Variants in SLC39A11 observed in about 807,000 individuals in gnomAD.
SLC39A11 encodes the protein solute carrier family 39 member 11.
In SLC39A11, 33 loss-of-function variants were observed where a neutral mutation model predicts 36.1. The observed-to-expected ratio is 0.91, with a 90% confidence interval of 0.69 to 1.22. The LOEUF (loss-of-function observed/expected upper bound fraction) is 1.22, where lower values mean the gene tolerates loss of function less well. SLC39A11 is among the 50% of genes most tolerant of loss of function. SLC39A11 has a pLI of 0.00. For missense variants in SLC39A11, 432 were observed against 430.3 expected (o/e 1.00, Z -0.03); for synonymous variants, 166 against 170.3 (o/e 0.97, Z 0.20).
chr17:72,673,351 C>T (rs2071101516), intron 7 of SLC39A11, among the ~76,000 whole-genome samples: 1 of 152,178 alleles, frequency 6.6e-6, no homozygotes, highest in Non-Finnish European at 1.5e-5. Context: ...GATCTGCCCA[C>T]CTCGGCCTCC....
At chr17:72,874,229 A>G (rs1228523402) in intron 5 of SLC39A11, among the ~76,000 whole-genome samples, 1 of 152,204 alleles carries the variant, frequency 6.6e-6, no homozygotes, top group Non-Finnish European at 1.5e-5. Flanking sequence ...AGAAATGATC[A>G]CTTAAATGTT....
At chr17:72,775,072 G>A (rs1047114568) in intron 6 of SLC39A11, among the ~76,000 whole-genome samples, 26 of 151,998 alleles carry the variant, frequency 1.7e-4, no homozygotes, top group Non-Finnish European at 4.4e-5. Context: ...CTAATATTGT[G>A]AGCACCCATT....
At chr17:72,905,959 T>G (rs2082638573) in intron 5 of SLC39A11, among the ~76,000 whole-genome samples, 1 of 152,154 alleles carries the variant, frequency 6.6e-6, no homozygotes, top group Non-Finnish European at 1.5e-5. Flanking sequence ...TTCACTGTGT[T>G]AGCCAGGATG....
At chr17:72,789,238 T>C (rs2076619167) in intron 6 of SLC39A11, among the ~76,000 whole-genome samples, 1 of 152,156 alleles carries the variant, frequency 6.6e-6, no homozygotes, top group African/African-American at 2.4e-5. Flanking sequence ...TTTCAACACG[T>C]TGGCCAGGCT....
At chr17:72,673,694 C>T (rs1424239513) in intron 7 of SLC39A11, among the ~76,000 whole-genome samples, 1 of 152,066 alleles carries the variant, frequency 6.6e-6, no homozygotes, top group Non-Finnish European at 1.5e-5. Context: ...TTTGGGCTCC[C>T]CCATATTTTG....
At chr17:72,946,742 T>C (rs545495861) in intron 5 of SLC39A11, among the ~76,000 whole-genome samples, 14 of 152,212 alleles carry the variant, frequency 9.2e-5, no homozygotes, top group African/African-American at 2.9e-4. Context: ...GGCATCCAAC[T>C]CTCCTCATGC....
intron 4 of SLC39A11, among the ~76,000 whole-genome samples, chr17:72,961,027 TGAGA>T (rs1226745540): frequency 2.0e-5 from 3 of 151,618 alleles, no homozygotes; most frequent in Non-Finnish European, 4.4e-5. Context: ...AACACGAGGG[TGAGA>T]GAGAGTGTGT....
chr17:72,791,296 ATACAAAAAT>A (rs1319482547), intron 6 of SLC39A11, among the ~76,000 whole-genome samples: 1 of 152,200 alleles, frequency 6.6e-6, no homozygotes, highest in East Asian at 1.9e-4. Context: ...CTCTACAAAA[ATACAAAAAT>A]TAGCCGAGCG....
At chr17:72,658,364 C>T (rs770201423) in intron 7 of SLC39A11, among the ~76,000 whole-genome samples, 8 of 152,168 alleles carry the variant, frequency 5.3e-5, no homozygotes, top group Non-Finnish European at 8.8e-5. Flanking sequence ...GGGTCCCATC[C>T]GGGTGCTAGG....
chr17:73,019,361 G>A (rs2058268628), intron 4 of SLC39A11, among the ~76,000 whole-genome samples: 2 of 152,120 alleles, frequency 1.3e-5, no homozygotes, highest in African/African-American at 4.8e-5. Flanking sequence ...AGCAAATATA[G>A]CAATGTACTA....
intron 7 of SLC39A11, among the ~76,000 whole-genome samples, chr17:72,656,140 T>C (rs2070108124): frequency 6.6e-6 from 1 of 152,142 alleles, no homozygotes; most frequent in African/African-American, 2.4e-5. Flanking sequence ...CTTTCCAGGA[T>C]GGGCCATGAA....
At chr17:72,936,648 T>C (rs925673502) in intron 5 of SLC39A11, among the ~76,000 whole-genome samples, 3 of 152,200 alleles carry the variant, frequency 2.0e-5, no homozygotes, top group Non-Finnish European at 4.4e-5. Context: ...AACCTAGCCC[T>C]GGAGCCAGAC....
intron 3 of SLC39A11, among the ~76,000 whole-genome samples, chr17:73,063,005 C>G (rs2059893952): frequency 6.6e-6 from 1 of 152,152 alleles, no homozygotes; most frequent in South Asian, 2.1e-4. Context: ...CAGTTCCTAA[C>G]AGGCCACAGA....
intron 5 of SLC39A11, among the ~76,000 whole-genome samples, chr17:72,890,680 T>C (rs2081693076): frequency 6.6e-6 from 1 of 152,210 alleles, no homozygotes; most frequent in Non-Finnish European, 1.5e-5. Flanking sequence ...GATTTCATTC[T>C]GACATTTAGG....
chr17:72,923,936 G>A (rs1335532956), intron 5 of SLC39A11, among the ~76,000 whole-genome samples: 1 of 151,232 alleles, frequency 6.6e-6, no homozygotes, highest in Non-Finnish European at 1.5e-5. Flanking sequence ...TTTGAGCCCA[G>A]GAGTTCAAGA....
rs373474066 is a variant in SLC39A11 at position 73,060,017 on chromosome 17, C to T, written c.147+24791G>A. ...CTGAGGTCAGGAGTTCAAGACCAGC[C>T]TGGCCAACATGGTGAAACCTGTCTG... On this transcript the variant is annotated intron_variant, in intron 3 of 9. Coordinates refer to ENST00000255559, the MANE Select transcript of SLC39A11 (RefSeq NM_139177.4). Among the ~76,000 whole-genome samples, 145 of 151,960 alleles carry T rather than the reference C, an allele frequency of 9.5e-4. 5 individuals are homozygous for T. In the South Asian group the frequency reaches 0.026, roughly 27 times the overall value.
chr17:73,058,374 G>T (rs2059736499), intron 3 of SLC39A11, among the ~76,000 whole-genome samples: 1 of 152,180 alleles, frequency 6.6e-6, no homozygotes, highest in South Asian at 2.1e-4. Flanking sequence ...TAGGTCCTTG[G>T]AAGAATGGAT....
chr17:72,803,711 C>T (rs1022081290), intron 6 of SLC39A11, among the ~76,000 whole-genome samples: 1 of 152,156 alleles, frequency 6.6e-6, no homozygotes, highest in African/African-American at 2.4e-5. Flanking sequence ...TCACATGTGG[C>T]ACAGAGCAGA....
chr17:73,061,111 C>T (rs570449227), intron 3 of SLC39A11, among the ~76,000 whole-genome samples: 2 of 152,302 alleles, frequency 1.3e-5, no homozygotes, highest in South Asian at 2.1e-4. Flanking sequence ...CCTGTAATCC[C>T]AGCACTTTGG....
Sources: gnomAD v4.1 joint callset for allele counts (sites outside exome capture counted in the v4.1 genomes callset) on GRCh38, gnomAD v4.1.1 for gene constraint, MANE v1.5 for transcripts, NCBI Gene and HGNC (gene_info 2026-07-23, HGNC 2026-07-21) for gene names.